Variants in CEP85L observed in about 807,000 individuals in gnomAD.
CEP85L encodes centrosomal protein 85L.
CEP85L carries 60 observed loss-of-function variants against 100.3 expected under a neutral mutation model. The observed-to-expected ratio is 0.60, with a 90% CI of 0.49 to 0.74. CEP85L has a LOEUF of 0.74. Among genes scored for constraint, CEP85L ranks in the 30% least tolerant of loss-of-function variants. CEP85L has a pLI of 0.00. For synonymous variants in CEP85L, 319 were observed against 322.7 expected, an observed-to-expected ratio of 0.99 and a Z score of 0.12; for missense variants, 973 against 936.2, an observed-to-expected ratio of 1.04 and a Z score of -0.51.
At chr6:118,628,960 G>A (rs909859767) in intron 2 of CEP85L, among the ~76,000 whole-genome samples, 1 of 152,176 alleles carries the variant, frequency 6.6e-6, no homozygotes, top group Non-Finnish European at 1.5e-5. Context: ...CACAGAATGA[G>A]AGAAAATACA....
chr6:118,556,120 T>G (rs1778857856), intron 3 of CEP85L, among the ~76,000 whole-genome samples: 1 of 152,228 alleles, frequency 6.6e-6, no homozygotes, highest in African/African-American at 2.4e-5. Context: ...TTCATGGGTG[T>G]ATGTCTTTAC....
chr6:118,658,896 G>T (rs1474557229), intron 1 of CEP85L, among the ~76,000 whole-genome samples: 4 of 151,988 alleles, frequency 2.6e-5, no homozygotes, highest in Admixed American at 2.0e-4. Flanking sequence ...AATTAAAATT[G>T]GTCTTTTTTC....
intron 4 of CEP85L, among the ~76,000 whole-genome samples, chr6:118,517,368 T>C (rs555461959): frequency 6.6e-6 from 1 of 152,354 alleles, no homozygotes; most frequent in South Asian, 2.1e-4. Context: ...ATTATCCCTA[T>C]CCATGAGCAT....
chr6:118,506,541 T>C (rs1775669807), intron 5 of CEP85L, among the ~76,000 whole-genome samples: 1 of 152,352 alleles, frequency 6.6e-6, no homozygotes, highest in East Asian at 1.9e-4. Flanking sequence ...ACCCTAAGCC[T>C]TTTGCTTTGC....
intron 5 of CEP85L, among the ~76,000 whole-genome samples, chr6:118,495,234 A>G (rs1309670437): frequency 6.6e-6 from 1 of 152,132 alleles, no homozygotes; most frequent in Non-Finnish European, 1.5e-5. Context: ...ACTGTTGGGA[A>G]GGCATGATTG....
chr6:118,585,544 C>T (rs13328242), intron 2 of CEP85L, among the ~76,000 whole-genome samples: 1 of 152,130 alleles, frequency 6.6e-6, no homozygotes, highest in Admixed American at 6.5e-5. Flanking sequence ...TACTCCCCCA[C>T]AGAAATAGGA....
intron 3 of CEP85L, 113 bp from the exon 4 acceptor site, chr6:118,524,033 T>G: frequency 2.2e-6 from 1 of 449,908 alleles, no homozygotes; most frequent in Non-Finnish European, 3.8e-6. Context: ...CCTCTTTGAT[T>G]TTTTAATACT....
At chr6:118,691,813 T>A (rs1046415420) in intron 1 of CEP85L, among the ~76,000 whole-genome samples, 44 of 152,074 alleles carry the variant, frequency 2.9e-4, no homozygotes, top group African/African-American at 1.0e-3. Context: ...GCAAACAAGA[T>A]CTGTCTTTTC....
rs190971844 is a variant in CEP85L at position 118,501,837 on chromosome 6, C to G, written c.1257+9461G>C. 4 of 1,293,228 alleles carry G rather than the reference C, an allele frequency of 3.1e-6. No individual in the cohort carries two copies. In the African/African-American group the frequency reaches 4.4e-5, roughly 14 times the overall value. 80.1% of individuals were successfully genotyped at this position (1,293,228 alleles called of 1,614,324 possible). ...GAGAGAGAGAGAGAGAGAGAGGACT[C>G]TGGAGATGCCGAAGCACAAGCCTTC... On this transcript the variant is annotated intron_variant, in intron 5 of 12. Coordinates refer to ENST00000368491, the MANE Select transcript of CEP85L (RefSeq NM_001042475.3).
At chr6:118,704,885 C>CT (rs1777546332) in intron 1 of CEP85L, among the ~76,000 whole-genome samples, 1 of 152,192 alleles carries the variant, frequency 6.6e-6, no homozygotes, top group Non-Finnish European at 1.5e-5. Flanking sequence ...TTTCACCTTT[C>CT]TTTCAGTGGC....
At chr6:118,516,924 TAA>T (rs1316184304) in intron 4 of CEP85L, among the ~76,000 whole-genome samples, 2 of 152,358 alleles carry the variant, frequency 1.3e-5, no homozygotes, top group East Asian at 1.9e-4. Context: ...AATTTTTGTT[TAA>T]GGTGTAAGGA....
chr6:118,680,238 A>T (rs1056430813), intron 1 of CEP85L, among the ~76,000 whole-genome samples: 6 of 144,742 alleles, frequency 4.1e-5, no homozygotes, highest in Non-Finnish European at 9.0e-5. Flanking sequence ...AGTTGCAGTG[A>T]GCCCTGGTCA....
Position 118,680,841 on chromosome 6 carries a change from A to T in CEP85L, c.-27-28033T>A, listed in dbSNP as rs1776634897. ...CAGTGAGCCAAGATCATGCCTCTGC[A>T]CTCCAGCCTGGGCGACACAGTGAGA... On this transcript the variant is annotated intron_variant, in intron 1 of 13. Coordinates refer to the CEP85L transcript ENST00000368488. Among the ~76,000 whole-genome samples the T allele has an allele frequency of 1.3e-5, 2 of 151,452 alleles. 1 individual carries two copies. Among genetic ancestry groups the T allele is most frequent in the Admixed American group, 1.3e-4 (2 of 15,242 alleles).
chr6:118,695,451 C>A (rs1777174278), intron 1 of CEP85L, among the ~76,000 whole-genome samples: 1 of 152,132 alleles, frequency 6.6e-6, no homozygotes, highest in South Asian at 2.1e-4. Flanking sequence ...TTAACATGCA[C>A]CAATACTTTT....
chr6:118,522,906 G>C (rs745960760), intron 4 of CEP85L, among the ~76,000 whole-genome samples: 10 of 151,938 alleles, frequency 6.6e-5, no homozygotes, highest in Non-Finnish European at 1.2e-4. Context: ...GAATATAGTG[G>C]AGAACAAGAA....
At chr6:118,692,895 T>C (rs1374539642) in intron 1 of CEP85L, among the ~76,000 whole-genome samples, 1 of 152,196 alleles carries the variant, frequency 6.6e-6, no homozygotes, top group Non-Finnish European at 1.5e-5. Context: ...TGCATCACCC[T>C]TGTTACTTAG....
At chr6:118,508,648 G>T (rs1775796232) in intron 5 of CEP85L, among the ~76,000 whole-genome samples, 1 of 151,896 alleles carries the variant, frequency 6.6e-6, no homozygotes, top group South Asian at 2.1e-4. Flanking sequence ...GAAAATAGAA[G>T]TTACTTATTA....
chr6:118,543,122 C>T (rs1778005071), intron 3 of CEP85L, among the ~76,000 whole-genome samples: 2 of 152,090 alleles, frequency 1.3e-5, no homozygotes, highest in African/African-American at 2.4e-5. Context: ...TATAGAGACA[C>T]TGCCCAATTC....
At chr6:118,480,276 A>G (rs917059554) in intron 9 of CEP85L, 120 bp downstream of exon 9, 10 of 557,240 alleles carry the variant, frequency 1.8e-5, no homozygotes, top group African/African-American at 1.2e-4. Context: ...ACTAGAAACT[A>G]TGTAAGTGAT....
Sources: gnomAD v4.1 joint callset for allele counts (sites outside exome capture counted in the v4.1 genomes callset) on GRCh38, gnomAD v4.1.1 for gene constraint, MANE v1.5 for transcripts, NCBI Gene and HGNC (gene_info 2026-07-23, HGNC 2026-07-21) for gene names.